The following CADM1 variants were observed in gnomAD, a reference collection of about 807,000 sequenced individuals.
CADM1 encodes the protein cell adhesion molecule 1.
CADM1 carries 15 observed loss-of-function variants against 53.1 expected under a neutral mutation model. The ratio of observed to expected loss-of-function variants is 0.28; its 90% CI spans 0.19 to 0.44. CADM1 has a LOEUF of 0.44. Among genes scored for constraint, CADM1 ranks in the 20% least tolerant of loss-of-function variants. The pLI, the probability that CADM1 is intolerant of heterozygous loss-of-function variation, is 1.00. For synonymous variants in CADM1, 281 were observed against 243.0 expected, an observed-to-expected ratio of 1.16 and a Z score of -1.45; for missense variants, 434 against 611.3, an observed-to-expected ratio of 0.71 and a Z score of 3.06.
chr11:115,221,932 G>C (rs1471142483), intron 5 of CADM1, among the ~76,000 whole-genome samples: 1 of 152,152 alleles, frequency 6.6e-6, no homozygotes, highest in African/African-American at 2.4e-5. Flanking sequence ...ATCAGGAAAT[G>C]CAGGTGTCAT....
intron 4 of CADM1, among the ~76,000 whole-genome samples, chr11:115,231,124 G>C (rs1261632604): frequency 1.3e-5 from 2 of 152,184 alleles, no homozygotes; most frequent in African/African-American, 4.8e-5. Context: ...CATCTGAGTA[G>C]AGCGACAGCT....
chr11:115,293,944 T>A (rs549445974), intron 1 of CADM1, among the ~76,000 whole-genome samples: 1 of 152,350 alleles, frequency 6.6e-6, no homozygotes, highest in Admixed American at 6.5e-5. Flanking sequence ...GTTCAGATTC[T>A]GTGATTTAGA....
chr11:115,360,424 C>G (rs190767164), intron 1 of CADM1, among the ~76,000 whole-genome samples: 3 of 152,156 alleles, frequency 2.0e-5, no homozygotes, highest in Non-Finnish European at 4.4e-5. Context: ...TGTACATGAA[C>G]AGCATCAAAT....
intron 1 of CADM1, among the ~76,000 whole-genome samples, chr11:115,243,408 G>A (rs1427395770): frequency 6.6e-6 from 1 of 152,202 alleles, no homozygotes; most frequent in Non-Finnish European, 1.5e-5. Context: ...TTGTCTGATG[G>A]TGGTGGCCCA....
At chr11:115,229,589 A>G (rs1187653965) in intron 4 of CADM1, among the ~76,000 whole-genome samples, 4 of 152,216 alleles carry the variant, frequency 2.6e-5, no homozygotes, top group Non-Finnish European at 5.9e-5. Context: ...AAGTTGAAAC[A>G]TTCTGACATC....
chr11:115,183,288 C>A (rs1238900177), intron 10 of CADM1, among the ~76,000 whole-genome samples: 1 of 152,218 alleles, frequency 6.6e-6, no homozygotes, highest in African/African-American at 2.4e-5. Flanking sequence ...GCCATGCTGC[C>A]TGTATTAAAC....
intron 1 of CADM1, among the ~76,000 whole-genome samples, chr11:115,342,600 C>T (rs1208946565): frequency 6.6e-6 from 1 of 152,162 alleles, no homozygotes; most frequent in Non-Finnish European, 1.5e-5. Context: ...CTTCATCTAT[C>T]AAAACACTAT....
At chr11:115,400,236 T>G (rs1947102191) in intron 1 of CADM1, among the ~76,000 whole-genome samples, 1 of 152,282 alleles carries the variant, frequency 6.6e-6, no homozygotes, top group African/African-American at 2.4e-5. Flanking sequence ...TGTGTGTCTG[T>G]GTTCTACATC....
At position 115,328,884 on chromosome 11, in the gene CADM1, G is replaced by C. The variant is rs114289461; in HGVS notation, c.125-88464C>G. On this transcript the variant is annotated intron_variant, in intron 1 of 11. Transcript: ENST00000331581. ...CAAGGAAAGAAAGAAGAACAGTTCT[G>C]TTTCTCTGTAGCCGGATGAGATTAT... Among the ~76,000 whole-genome samples the C allele has an allele frequency of 3.7e-3, 555 of 148,214 alleles. 2 individuals carry two copies. The highest frequency in any genetic ancestry group is 0.013 in the African/African-American group (543 of 40,524).
chr11:115,382,318 T>A (rs1342987032), intron 1 of CADM1, among the ~76,000 whole-genome samples: 1 of 151,680 alleles, frequency 6.6e-6, no homozygotes, highest in East Asian at 1.9e-4. Context: ...CCGGGGTAAG[T>A]CACACAAGAA....
chr11:115,415,735 C>A (rs1947578810), intron 1 of CADM1, among the ~76,000 whole-genome samples: 1 of 134,388 alleles, frequency 7.4e-6, no homozygotes, highest in African/African-American at 2.8e-5. Flanking sequence ...ACTCAAGGGG[C>A]TGAGGCAGGA....
In CADM1 at chr11:115,178,643, C is replaced by A. The variant is rs1482019724; in HGVS notation, c.1297+1G>T. 6.2e-7 allele frequency: 1 copy of A among 1,612,976 alleles called. No homozygotes were observed. The highest frequency in any genetic ancestry group is 1.7e-5 in the Admixed American group (1 of 60,022). ...CTTCTGTCTGCTGAAGCTTTGCTTA[C>A]CTTTATGTCTGGCAAAATAGCGCCC... is the stretch of plus-strand genomic sequence containing the variant. On this transcript the variant is annotated splice_donor_variant, in intron 11 of 11. Coordinates refer to ENST00000331581, the MANE Select transcript of CADM1 (RefSeq NM_001301043.2). LOFTEE classifies it high-confidence loss of function.
chr11:115,348,740 G>A (rs1001802719), intron 1 of CADM1, among the ~76,000 whole-genome samples: 5 of 152,152 alleles, frequency 3.3e-5, no homozygotes, highest in East Asian at 3.9e-4. Context: ...GATAAGTGCC[G>A]TGAGCAAAAC....
At chr11:115,236,223 A>G (rs1382799432) in intron 3 of CADM1, among the ~76,000 whole-genome samples, 2 of 152,206 alleles carry the variant, frequency 1.3e-5, no homozygotes, top group Non-Finnish European at 2.9e-5. Context: ...GATAGCAACG[A>G]AGATGCTACT....
At chr11:115,243,314 T>C (rs1170818241) in intron 1 of CADM1, among the ~76,000 whole-genome samples, 2 of 152,234 alleles carry the variant, frequency 1.3e-5, no homozygotes, top group African/African-American at 4.8e-5. Context: ...TGCCAATTCC[T>C]AGCTATGTTA....
At chr11:115,247,699 T>A (rs1373036627) in intron 1 of CADM1, among the ~76,000 whole-genome samples, 1 of 152,200 alleles carries the variant, frequency 6.6e-6, no homozygotes, top group Non-Finnish European at 1.5e-5. Flanking sequence ...GAAGACCCAT[T>A]TTCTCAAACC....
chr11:115,400,246 C>A (rs972698735), intron 1 of CADM1, among the ~76,000 whole-genome samples: 5 of 151,992 alleles, frequency 3.3e-5, no homozygotes, highest in African/African-American at 1.2e-4. Context: ...TGTTCTACAT[C>A]AGGATAGGGA....
intron 5 of CADM1, among the ~76,000 whole-genome samples, chr11:115,219,954 C>T (rs1161154075): frequency 6.6e-6 from 1 of 152,102 alleles, no homozygotes; most frequent in African/African-American, 2.4e-5. Context: ...TACTAGAGTT[C>T]CTAGTTAGGG....
chr11:115,374,856 T>C (rs1472362613), intron 1 of CADM1, among the ~76,000 whole-genome samples: 1 of 142,578 alleles, frequency 7.0e-6, no homozygotes, highest in Non-Finnish European at 1.6e-5. Context: ...TAAGAAAAAC[T>C]TGGCGTGCTA....
Sources: gnomAD v4.1 joint callset for allele counts (sites outside exome capture counted in the v4.1 genomes callset) on GRCh38, gnomAD v4.1.1 for gene constraint, MANE v1.5 for transcripts, NCBI Gene and HGNC (gene_info 2026-07-23, HGNC 2026-07-21) for gene names.